GAP43: variants seen among roughly 807,000 people sequenced by gnomAD.
The protein encoded by GAP43 is neuromodulin.
GAP43 carries 6 observed loss-of-function variants against 18.6 expected under a neutral mutation model. The ratio of observed to expected loss-of-function variants is 0.32; its 90% CI spans 0.18 to 0.64. GAP43 has a LOEUF of 0.64. Among genes scored for constraint, GAP43 ranks in the 30% least tolerant of loss-of-function variants. The pLI is 0.78. For synonymous variants in GAP43, 115 were observed against 111.4 expected (o/e 1.03, Z -0.20); for missense variants, 292 against 295.5 (o/e 0.99, Z 0.09).
chr3:115,690,195 G>A (rs1222168550), intron 2 of GAP43, among the ~76,000 whole-genome samples: 1 of 152,180 alleles, frequency 6.6e-6, no homozygotes, highest in Non-Finnish European at 1.5e-5. Flanking sequence ...TGGCAGATGG[G>A]GCACAGCTCC....
chr3:115,668,699 C>T (rs974720325), intron 1 of GAP43, among the ~76,000 whole-genome samples: 3 of 151,762 alleles, frequency 2.0e-5, no homozygotes, highest in Non-Finnish European at 2.9e-5. Flanking sequence ...GCTGAGATTA[C>T]AGGCATGAGC....
intron 2 of GAP43, among the ~76,000 whole-genome samples, chr3:115,702,950 T>G (rs1239479456): frequency 4.6e-5 from 7 of 152,058 alleles, no homozygotes; most frequent in Non-Finnish European, 5.9e-5. Context: ...AGAAGAGTGT[T>G]CTTCAAGGTT....
intron 2 of GAP43, among the ~76,000 whole-genome samples, chr3:115,685,589 G>A (rs1320952627): frequency 6.6e-6 from 1 of 152,084 alleles, no homozygotes; most frequent in Admixed American, 6.5e-5. Flanking sequence ...AGACCATGAG[G>A]GACATTGCAG....
intron 2 of GAP43, among the ~76,000 whole-genome samples, chr3:115,697,090 C>T (rs942389868): frequency 3.3e-5 from 5 of 152,240 alleles, no homozygotes; most frequent in Non-Finnish European, 5.9e-5. Context: ...CCACCCACCT[C>T]GGCCTCCCAA....
At chr3:115,716,514 A>C (rs1254011150) in intron 2 of GAP43, among the ~76,000 whole-genome samples, 1 of 151,258 alleles carries the variant, frequency 6.6e-6, no homozygotes, top group Non-Finnish European at 1.5e-5. Context: ...AAGCTGTAAT[A>C]GATTGTTTCT....
chr3:115,704,764 C>G (rs1012135582), intron 2 of GAP43, among the ~76,000 whole-genome samples: 4 of 152,030 alleles, frequency 2.6e-5, no homozygotes, highest in Admixed American at 6.6e-5. Flanking sequence ...GCAATATGAT[C>G]TAATGGAGGA....
intron 1 of GAP43, among the ~76,000 whole-genome samples, chr3:115,669,001 G>A (rs1343159059): frequency 6.6e-6 from 1 of 151,294 alleles, no homozygotes; most frequent in Admixed American, 6.6e-5. Flanking sequence ...ATCTGAGATA[G>A]TGCCACTGCG....
chr3:115,701,233 A>G (rs931328246), intron 2 of GAP43, among the ~76,000 whole-genome samples: 4 of 152,072 alleles, frequency 2.6e-5, no homozygotes, highest in African/African-American at 9.7e-5. Context: ...ATTCGTTCTG[A>G]TATTAGTATC....
chr3:115,672,502 C>T (rs1332466733), intron 1 of GAP43, among the ~76,000 whole-genome samples: 1 of 152,004 alleles, frequency 6.6e-6, no homozygotes, highest in African/African-American at 2.4e-5. Context: ...AGAATTTTAC[C>T]AAGAAATAAC....
intron 1 of GAP43, among the ~76,000 whole-genome samples, chr3:115,667,975 G>A (rs1022774225): frequency 1.3e-5 from 2 of 152,152 alleles, no homozygotes; most frequent in African/African-American, 4.8e-5. Context: ...TCTGTCCTTT[G>A]AGCATGTCAT....
intron 1 of GAP43, among the ~76,000 whole-genome samples, chr3:115,675,746 G>A (rs906053782): frequency 9.8e-6 from 1 of 101,708 alleles, no homozygotes; most frequent in African/African-American, 4.0e-5. Flanking sequence ...GTGACAGACT[G>A]AGACTCTATC....
intron 1 of GAP43, among the ~76,000 whole-genome samples, chr3:115,651,529 T>C (rs1005256311): frequency 1.3e-5 from 2 of 152,170 alleles, no homozygotes; most frequent in Non-Finnish European, 2.9e-5. Context: ...AAAAAATCTA[T>C]CCTAAACTCA....
Position 115,675,758 on chromosome 3 carries a change from CAAAAAAAAAAAAA to C in GAP43, c.31-237_31-225del, listed in dbSNP as rs67744380. Among the ~76,000 whole-genome samples, 10 of 50,556 alleles carry C rather than the reference CAAAAAAAAAAAAA, an allele frequency of 2.0e-4. 1 individual carries two copies. Among genetic ancestry groups the C allele is most frequent in the South Asian group, 2.5e-3 (2 of 794 alleles). 33.2% of individuals were successfully genotyped at this position (50,556 alleles called of 152,430 possible). A position where few individuals can be genotyped will look rare whatever the true frequency, so the allele number is the denominator to read the frequency against. On this transcript the variant is annotated intron_variant, in intron 1 of 2. Coordinates refer to ENST00000305124, the MANE Select transcript of GAP43 (RefSeq NM_002045.4). ...TGGGTGACAGACTGAGACTCTATCT[CAAAAAAAAAAAAA>C]AAAAAAAAAAAAAAAAATGGCCAGT... is the stretch of plus-strand genomic sequence containing the variant.
At chr3:115,698,127 AT>A (rs1709232991) in intron 2 of GAP43, among the ~76,000 whole-genome samples, 2 of 9,464 alleles carry the variant, frequency 2.1e-4, no homozygotes, top group East Asian at 0.016. Context: ...TATATATTAT[AT>A]ATAATATATA....
intron 1 of GAP43, among the ~76,000 whole-genome samples, chr3:115,658,305 C>T (rs528862705): frequency 1.3e-3 from 199 of 152,224 alleles, no homozygotes; most frequent in African/African-American, 4.5e-3. Context: ...CCCCACTTTG[C>T]TTCTTACTCT....
chr3:115,631,390 T>G (rs774797099), intron 1 of GAP43, among the ~76,000 whole-genome samples: 1 of 152,196 alleles, frequency 6.6e-6, no homozygotes, highest in Non-Finnish European at 1.5e-5. Flanking sequence ...AAATCCTGTC[T>G]TACCTTTTCT....
chr3:115,661,464 A>T (rs1195671514), intron 1 of GAP43, among the ~76,000 whole-genome samples: 1 of 152,116 alleles, frequency 6.6e-6, no homozygotes, highest in Non-Finnish European at 1.5e-5. Flanking sequence ...GGGCTTTGAT[A>T]TGACTTTGTT....
At chr3:115,656,915 C>T (rs953129609) in intron 1 of GAP43, among the ~76,000 whole-genome samples, 2 of 152,138 alleles carry the variant, frequency 1.3e-5, no homozygotes, top group Non-Finnish European at 2.9e-5. Flanking sequence ...AGAACCATTT[C>T]CTCATATATA....
At chr3:115,630,781 C>T (rs1289442064) in intron 1 of GAP43, among the ~76,000 whole-genome samples, 4 of 152,120 alleles carry the variant, frequency 2.6e-5, no homozygotes, top group African/African-American at 7.2e-5. Flanking sequence ...AATACCAGTT[C>T]ATGTTAGTGT....
Sources: allele counts gnomAD v4.1 joint callset (sites outside exome capture counted in the v4.1 genomes callset), GRCh38; gene constraint gnomAD v4.1.1; transcripts MANE v1.5; gene names NCBI Gene and HGNC (gene_info 2026-07-23, HGNC 2026-07-21).